TRPM3: variants seen among roughly 807,000 people sequenced by gnomAD.
The protein encoded by TRPM3 is transient receptor potential cation channel subfamily M member 3.
In TRPM3, 77 loss-of-function variants were observed where a neutral mutation model predicts 181.2. The observed-to-expected ratio is 0.42, with a 90% CI of 0.35 to 0.51. The LOEUF (loss-of-function observed/expected upper bound fraction) is 0.51, where lower values mean the gene tolerates loss of function less well. TRPM3 is among the 20% of genes least tolerant of loss of function. TRPM3 has a pLI of 0.01. For synonymous variants in TRPM3, 745 were observed against 796.4 expected (o/e 0.94, Z 1.09); for missense variants, 1,759 against 2,196.7 (o/e 0.80, Z 3.98).
chr9:71,186,311 C>T (rs2077676822), intron 1 of TRPM3, among the ~76,000 whole-genome samples: 1 of 151,992 alleles, frequency 6.6e-6, no homozygotes, highest in Non-Finnish European at 1.5e-5. Context: ...AGGTTATTTA[C>T]TATATCAAAA....
intron 1 of TRPM3, among the ~76,000 whole-genome samples, chr9:71,194,129 TTCCCA>T (rs1286887020): frequency 6.6e-6 from 1 of 151,928 alleles, no homozygotes; most frequent in African/African-American, 2.4e-5. Context: ...ATTCCCTCCA[TTCCCA>T]CCCTTTTCTA....
Position 70,553,259 on chromosome 9 carries a change from G to A in TRPM3, c.3275C>T (p.Pro1092Leu). The stretch of plus-strand genomic sequence containing the variant: ...GATCCAAGCTCCTGTCTTGCAGGGA[G>A]GCAGCTGGATTATTTTACCATCCTC... ...TREDGKIIQL[P>L]PCKTGAWIVP... Residue 1092 changes from proline to leucine, a missense_variant, in exon 23 of 26, where the codon CCT becomes CTT. Around this residue, in one of 8 missense-constraint regions of TRPM3, gnomAD observed 94 missense variants for 221.3 expected, o/e 0.42. Transcript: ENST00000677713. The A allele has an allele frequency of 6.2e-7, 1 of 1,614,138 alleles. No homozygotes were observed. The highest frequency in any genetic ancestry group is 2.2e-5 in the East Asian group (1 of 44,876).
intron 1 of TRPM3, among the ~76,000 whole-genome samples, chr9:71,008,655 C>T (rs1419634103): frequency 6.6e-6 from 1 of 152,122 alleles, no homozygotes; most frequent in African/African-American, 2.4e-5. Flanking sequence ...CCAACCTGGC[C>T]AACCTGGTGA....
intron 6 of TRPM3, among the ~76,000 whole-genome samples, chr9:70,789,973 G>A (rs910357182): frequency 3.9e-5 from 6 of 152,208 alleles, no homozygotes; most frequent in Non-Finnish European, 7.3e-5. Flanking sequence ...ATGAAAGAAT[G>A]TCTTAAAATT....
chr9:70,863,298 T>C (rs1308332397), intron 2 of TRPM3, among the ~76,000 whole-genome samples, 186 bp from the exon 3 acceptor site: 1 of 152,154 alleles, frequency 6.6e-6, no homozygotes, highest in Non-Finnish European at 1.5e-5. Context: ...ACATATCTTT[T>C]CTTTTCTCCC....
At chr9:71,150,872 T>C (rs946208573) in intron 1 of TRPM3, among the ~76,000 whole-genome samples, 2 of 152,302 alleles carry the variant, frequency 1.3e-5, no homozygotes, top group African/African-American at 4.8e-5. Context: ...AAAATATTGT[T>C]GCTCTGTTGC....
chr9:70,918,053 T>C (rs1253846992), intron 1 of TRPM3, among the ~76,000 whole-genome samples: 1 of 151,912 alleles, frequency 6.6e-6, no homozygotes. Flanking sequence ...AGAGACAAAG[T>C]AGGTAACTAT....
chr9:70,985,294 A>G (rs1209665081), intron 1 of TRPM3, among the ~76,000 whole-genome samples: 3 of 152,156 alleles, frequency 2.0e-5, no homozygotes, highest in Non-Finnish European at 2.9e-5. Flanking sequence ...AGAGAGATGG[A>G]TGAAGGTAAG....
intron 8 of TRPM3, among the ~76,000 whole-genome samples, chr9:70,681,863 T>A (rs1049609071): frequency 6.6e-6 from 1 of 152,196 alleles, no homozygotes; most frequent in Non-Finnish European, 1.5e-5. Flanking sequence ...AAAGTGCATA[T>A]GTTGAAACCT....
chr9:70,699,170 A>G (rs1403094245), intron 8 of TRPM3, among the ~76,000 whole-genome samples: 1 of 152,206 alleles, frequency 6.6e-6, no homozygotes, highest in Non-Finnish European at 1.5e-5. Context: ...GGAGAAATAG[A>G]GATTCAAATA....
At chr9:70,551,408 A>G (rs1012287818) in intron 24 of TRPM3, among the ~76,000 whole-genome samples, 5 of 152,318 alleles carry the variant, frequency 3.3e-5, no homozygotes, top group African/African-American at 1.2e-4. Flanking sequence ...TAACCTGGCA[A>G]TGCTTTCGTT....
In TRPM3 at chr9:70,752,014, G is replaced by A. The variant is rs866637308; in HGVS notation, c.1272+9587C>T. 8.9e-3 allele frequency among the ~76,000 whole-genome samples: 1,024 copies of A among 114,782 alleles called. 17 individuals are homozygous for A. The highest frequency in any genetic ancestry group is 0.028 in the African/African-American group (890 of 31,324). 75.3% of individuals were successfully genotyped at this position (114,782 alleles called of 152,430 possible). A position where few individuals can be genotyped will look rare whatever the true frequency, so the allele number is the denominator to read the frequency against. ...ACATCTCAACAGTGTGTGTGTGTGT[G>A]TGTGTGTGTGTGTGTGTGTGTGTGT... On this transcript the variant is annotated intron_variant, in intron 8 of 25. Transcript: ENST00000677713.
intron 1 of TRPM3, among the ~76,000 whole-genome samples, chr9:71,191,791 TA>T (rs11322932): frequency 0.61 from 72,985 of 119,332 alleles, 17,984 homozygotes; most frequent in Non-Finnish European, 0.66. Flanking sequence ...ACAGAACATA[TA>T]AAAAAAAAAA....
At chr9:70,896,819 A>C (rs1277069567) in intron 1 of TRPM3, among the ~76,000 whole-genome samples, 8 of 146,972 alleles carry the variant, frequency 5.4e-5, no homozygotes, top group Non-Finnish European at 1.5e-5. Context: ...GCTAATGCTT[A>C]AACCAGGAGA....
At chr9:70,993,482 A>G (rs1224148170) in intron 1 of TRPM3, among the ~76,000 whole-genome samples, 2 of 152,194 alleles carry the variant, frequency 1.3e-5, no homozygotes, top group Non-Finnish European at 2.9e-5. Flanking sequence ...TGATCCTCCT[A>G]TTGACTGGGA....
At chr9:70,895,904 G>C (rs968567757) in intron 1 of TRPM3, among the ~76,000 whole-genome samples, 3 of 152,096 alleles carry the variant, frequency 2.0e-5, no homozygotes, top group Non-Finnish European at 4.4e-5. Flanking sequence ...TCTAAATTAG[G>C]AATGGGAGAG....
At chr9:70,869,618 G>C (rs1721626311) in intron 1 of TRPM3, among the ~76,000 whole-genome samples, 1 of 152,020 alleles carries the variant, frequency 6.6e-6, no homozygotes, top group Non-Finnish European at 1.5e-5. Context: ...AATGAAGTTG[G>C]AGTTTGTCGG....
intron 1 of TRPM3, among the ~76,000 whole-genome samples, chr9:71,424,487 C>T (rs1256937909): frequency 1.3e-5 from 2 of 152,084 alleles, no homozygotes; most frequent in Admixed American, 6.6e-5. Flanking sequence ...ATATACAAGA[C>T]AGGTTAAATG....
intron 9 of TRPM3, among the ~76,000 whole-genome samples, chr9:70,648,908 AC>A (rs1158066857): frequency 6.6e-6 from 1 of 152,136 alleles, no homozygotes; most frequent in African/African-American, 2.4e-5. Context: ...AAAACCTAGG[AC>A]GTATAATTCT....
Sources: allele counts gnomAD v4.1 joint callset (sites outside exome capture counted in the v4.1 genomes callset), GRCh38; gene constraint gnomAD v4.1.1; regional missense constraint gnomAD v4.1.1; transcripts MANE v1.5; gene names NCBI Gene and HGNC (gene_info 2026-07-23, HGNC 2026-07-21).